Variants in LYPLAL1 observed in about 807,000 individuals in gnomAD.
LYPLAL1 encodes lysophospholipase-like protein 1.
In LYPLAL1, 23 loss-of-function variants were observed where a neutral mutation model predicts 19.7. That is an observed-to-expected ratio of 1.17 (90% CI 0.84 to 1.65). The LOEUF (loss-of-function observed/expected upper bound fraction) is 1.65, where lower values mean the gene tolerates loss of function less well. Among genes scored for constraint, LYPLAL1 ranks in the 40% most tolerant of loss-of-function variants. LYPLAL1 has a pLI of 0.00. For synonymous variants in LYPLAL1, 119 were observed against 96.3 expected (o/e 1.24, Z -1.38); for missense variants, 355 against 279.4 (o/e 1.27, Z -1.93).
At chr1:219,423,820 T>G in the LYPLAL1 span, among the ~76,000 whole-genome samples, 2 of 152,088 alleles carry the variant, frequency 1.3e-5, no homozygotes, top group Non-Finnish European at 2.9e-5. Context: ...TGAGGTGTTA[T>G]GGAAAATAGA....
chr1:219,278,971 G>C, the LYPLAL1 span, among the ~76,000 whole-genome samples: 62 of 152,266 alleles, frequency 4.1e-4, no homozygotes, highest in African/African-American at 1.5e-3. Flanking sequence ...GGGGTAGGGG[G>C]ATGGAAAATC....
At chr1:219,383,312 A>C in the LYPLAL1 span, among the ~76,000 whole-genome samples, 3 of 152,244 alleles carry the variant, frequency 2.0e-5, no homozygotes, top group Non-Finnish European at 4.4e-5. Flanking sequence ...AGATAGTTTG[A>C]GTTGATATTT....
At chr1:219,300,508 C>T in the LYPLAL1 span, among the ~76,000 whole-genome samples, 1 of 148,472 alleles carries the variant, frequency 6.7e-6, no homozygotes, top group Non-Finnish European at 1.5e-5. Flanking sequence ...GCTTTGTGAA[C>T]CTATGAGATT....
At chr1:219,438,972 C>G in the LYPLAL1 span, among the ~76,000 whole-genome samples, 2 of 152,298 alleles carry the variant, frequency 1.3e-5, no homozygotes, top group Non-Finnish European at 2.9e-5. Context: ...TTTTCATGCT[C>G]TTTCTTGCCT....
At chr1:219,300,496 A>G in the LYPLAL1 span, among the ~76,000 whole-genome samples, 1 of 146,432 alleles carries the variant, frequency 6.8e-6, no homozygotes, top group Non-Finnish European at 1.5e-5. Flanking sequence ...AAAAGGGGGG[A>G]CGCTTTGTGA....
the LYPLAL1 span, among the ~76,000 whole-genome samples, chr1:219,274,896 A>G: frequency 2.0e-5 from 3 of 152,142 alleles, no homozygotes; most frequent in Non-Finnish European, 2.9e-5. Context: ...TTTTACTACT[A>G]ATTATTATTA....
chr1:219,282,169 A>G, the LYPLAL1 span, among the ~76,000 whole-genome samples: 2 of 152,198 alleles, frequency 1.3e-5, no homozygotes, highest in African/African-American at 4.8e-5. Flanking sequence ...AATATAGATA[A>G]CAGTTACCAT....
chr1:219,226,268 T>C, the LYPLAL1 span, among the ~76,000 whole-genome samples: 2 of 152,244 alleles, frequency 1.3e-5, no homozygotes, highest in East Asian at 1.9e-4. Flanking sequence ...TTTTAACTGC[T>C]AGTTTATTTG....
chr1:219,360,241 T>C, the LYPLAL1 span, among the ~76,000 whole-genome samples: 2 of 152,222 alleles, frequency 1.3e-5, no homozygotes, highest in African/African-American at 2.4e-5. Context: ...AAGTTCGGTA[T>C]GCTTTTAGCA....
chr1:219,298,480 A>G, the LYPLAL1 span, among the ~76,000 whole-genome samples: 6 of 152,204 alleles, frequency 3.9e-5, no homozygotes, highest in Non-Finnish European at 8.8e-5. Flanking sequence ...TAAGGGAATG[A>G]GAATATATGA....
At chr1:219,195,169 C>T (rs1657505589) in intron 3 of LYPLAL1, among the ~76,000 whole-genome samples, 1 of 152,022 alleles carries the variant, frequency 6.6e-6, no homozygotes, top group African/African-American at 2.4e-5. Context: ...TTGGTTTCTT[C>T]CAGACTCTCA....
chr1:219,265,945 T>C, the LYPLAL1 span, among the ~76,000 whole-genome samples: 2 of 152,248 alleles, frequency 1.3e-5, no homozygotes, highest in Non-Finnish European at 2.9e-5. Flanking sequence ...GGAATAAAGT[T>C]TGTGGGATGG....
the LYPLAL1 span, among the ~76,000 whole-genome samples, chr1:219,311,509 T>C: frequency 6.7e-6 from 1 of 149,562 alleles, no homozygotes; most frequent in East Asian, 2.0e-4. Flanking sequence ...ACACGTTGGC[T>C]TGCCTTCCCT....
rs937792122 is a variant in LYPLAL1, at chr1:219,212,476, A to G, written c.*748A>G. ...AAGATTAACCATAAGGAGAGTCATG[A>G]TCTGGTTCCAGGAATACATTGTTAG... On this transcript the variant is annotated 3_prime_UTR_variant, in exon 5 of 5. Transcript: ENST00000366928. 6.6e-6 allele frequency: 1 copy of G among 152,042 alleles called. No individual in the cohort carries two copies. The highest frequency in any genetic ancestry group is 1.5e-5 in the Non-Finnish European group (1 of 67,934). 9.4% of individuals were successfully genotyped at this position (152,042 alleles called of 1,614,324 possible). A position where few individuals can be genotyped will look rare whatever the true frequency, so the allele number is the denominator to read the frequency against.
At chr1:219,221,148 C>T in the LYPLAL1 span, among the ~76,000 whole-genome samples, 1 of 152,200 alleles carries the variant, frequency 6.6e-6, no homozygotes, top group Non-Finnish European at 1.5e-5. Flanking sequence ...GCCTTCAGTT[C>T]TGACCACTAA....
At chr1:219,185,889 A>G (rs1241124346) in intron 2 of LYPLAL1, among the ~76,000 whole-genome samples, 2 of 151,994 alleles carry the variant, frequency 1.3e-5, no homozygotes, top group Non-Finnish European at 2.9e-5. Context: ...TAACAGTAAC[A>G]TAGTACTCTT....
chr1:219,207,156 C>T (rs1658640439), intron 3 of LYPLAL1, among the ~76,000 whole-genome samples: 1 of 151,960 alleles, frequency 6.6e-6, no homozygotes, highest in Admixed American at 6.6e-5. Flanking sequence ...TTGAATTTCT[C>T]AGAAAAAAAT....
the LYPLAL1 span, among the ~76,000 whole-genome samples, chr1:219,236,710 T>A: frequency 1.3e-5 from 2 of 152,188 alleles, no homozygotes; most frequent in African/African-American, 4.8e-5. Context: ...TTTTTATGAA[T>A]TTTAAAAACA....
At chr1:219,389,795 C>T in the LYPLAL1 span, among the ~76,000 whole-genome samples, 8 of 152,112 alleles carry the variant, frequency 5.3e-5, no homozygotes, top group East Asian at 1.9e-4. Context: ...TGGCAAAAAT[C>T]GCAATTACTT....
Sources: allele counts gnomAD v4.1 joint callset (sites outside exome capture counted in the v4.1 genomes callset), GRCh38; gene constraint gnomAD v4.1.1; transcripts MANE v1.5; gene names NCBI Gene and HGNC (gene_info 2026-07-23, HGNC 2026-07-21).